AIG1: variants seen among roughly 807,000 people sequenced by gnomAD.
AIG1 encodes androgen induced 1, also known as androgen-induced gene 1 protein.
Under a neutral mutation model 31.4 loss-of-function variants are expected in AIG1, and 23 were observed. The observed-to-expected ratio is 0.73, with a 90% CI of 0.53 to 1.04. The LOEUF is 1.04. Among genes scored for constraint, AIG1 ranks in the 50% least tolerant of loss-of-function variants. The probability of loss-of-function intolerance (pLI) is 0.00; values close to 1 mark genes in which losing one functional copy is unlikely to be tolerated. For synonymous variants in AIG1, 100 were observed against 110.5 expected, an observed-to-expected ratio of 0.90 and a Z score of 0.60; for missense variants, 274 against 295.0, an observed-to-expected ratio of 0.93 and a Z score of 0.52.
At chr6:143,183,486 G>A (rs1423020163) in intron 3 of AIG1, among the ~76,000 whole-genome samples, 3 of 151,896 alleles carry the variant, frequency 2.0e-5, no homozygotes, top group South Asian at 2.1e-4. Flanking sequence ...GAGACACCAC[G>A]CCCGGTCAGA....
At chr6:143,167,060 T>G (rs960592815) in intron 3 of AIG1, among the ~76,000 whole-genome samples, 9 of 152,224 alleles carry the variant, frequency 5.9e-5, no homozygotes, top group Non-Finnish European at 2.9e-5. Flanking sequence ...TCAAACTGTT[T>G]AGCGTATTTC....
At chr6:143,233,239 G>C (rs1161873757) in intron 3 of AIG1, among the ~76,000 whole-genome samples, 2 of 152,032 alleles carry the variant, frequency 1.3e-5, no homozygotes, top group Non-Finnish European at 2.9e-5. Context: ...GCTCTGCCTC[G>C]CACTGCAGAC....
At position 143,284,816 on chromosome 6, in the gene AIG1, T is replaced by C. The variant is rs1797580951; in HGVS notation, c.515+591T>C. On this transcript the variant is annotated intron_variant, in intron 4 of 5. Coordinates refer to ENST00000357847, the MANE Select transcript of AIG1 (RefSeq NM_016108.4). The surrounding 1 kb of genome is among the most constrained non-coding windows in gnomAD (Gnocchi z 4.4). ...AGATCCAAGTGTGAGGTGCCAAATT[T>C]ATCTGATAAAAGAATTTTTGCCTGG... Among the ~76,000 whole-genome samples the C allele has an allele frequency of 3.3e-5, 5 of 152,228 alleles. No homozygotes were observed. The South Asian group carries it at 1.0e-3, about 32-fold the overall frequency.
At position 143,205,759 on chromosome 6, in the gene AIG1, C is replaced by G. The variant is rs182312450; in HGVS notation, c.399+40576C>G. Among the ~76,000 whole-genome samples, 48 of 152,292 alleles carry G rather than the reference C, an allele frequency of 3.2e-4. 1 individual carries two copies. The highest frequency in any genetic ancestry group is 1.0e-3 in the African/African-American group (42 of 41,562). On this transcript the variant is annotated intron_variant, in intron 3 of 5. Transcript: ENST00000357847. ...ATTAATGTAATATTGCATTAATGTG[C>G]TATTACAACACTCTAGGGCATTCAT... is the stretch of plus-strand genomic sequence containing the variant.
intron 3 of AIG1, among the ~76,000 whole-genome samples, chr6:143,262,352 T>A (rs1270352504): frequency 6.6e-6 from 1 of 152,170 alleles, no homozygotes; most frequent in Non-Finnish European, 1.5e-5. Flanking sequence ...AAGTAAGTAG[T>A]AGGAAGAATT....
Position 143,093,400 on chromosome 6 carries a change from A to G in AIG1, c.141+32334A>G, listed in dbSNP as rs779597240. Among the ~76,000 whole-genome samples the G allele has an allele frequency of 1.6e-4, 24 of 152,130 alleles. No individual in the cohort carries two copies. In the Middle Eastern group the frequency reaches 0.01, roughly 65 times the overall value. On this transcript the variant is annotated intron_variant, in intron 1 of 5. Coordinates refer to ENST00000357847, the MANE Select transcript of AIG1 (RefSeq NM_016108.4). ...TCTCAGCCCTCATAGAATTGAAGAG[A>G]GTTAGGACCTTGCTCTGGATTAGGT...
rs1777209502 is a variant in AIG1 at position 143,333,114 on chromosome 6, TA to T, written c.516-165del. On this transcript the variant is annotated intron_variant, in intron 4 of 5. Transcript: ENST00000357847. The surrounding 1 kb of genome is among the most constrained non-coding windows in gnomAD (Gnocchi z 4.6). ...TTTCAGAATAAAAAGTAAATGAAAA[TA>T]AACAGCAACCAAGTTTCCAGTAGCT... 6.6e-6 allele frequency among the ~76,000 whole-genome samples: 1 copy of T among 152,168 alleles called. No individual in the cohort carries two copies. The highest frequency in any genetic ancestry group is 1.5e-5 in the Non-Finnish European group (1 of 68,026).
intron 4 of AIG1, among the ~76,000 whole-genome samples, chr6:143,306,396 C>G (rs1275570196): frequency 6.6e-6 from 1 of 152,032 alleles, no homozygotes; most frequent in Non-Finnish European, 1.5e-5. Context: ...GTGCTTCCTT[C>G]AGGAGCTCTT....
chr6:143,291,795 G>A lies in AIG1; in HGVS notation c.515+7570G>A, dbSNP rs901475207. 1.3e-5 allele frequency among the ~76,000 whole-genome samples: 2 copies of A among 152,180 alleles called. No individual in the cohort carries two copies. The highest frequency in any genetic ancestry group is 4.1e-4 in the South Asian group (2 of 4,828). On this transcript the variant is annotated intron_variant, in intron 4 of 5. Coordinates refer to ENST00000357847, the MANE Select transcript of AIG1 (RefSeq NM_016108.4). The surrounding 1 kb of genome is among the most constrained non-coding windows in gnomAD (Gnocchi z 4.2). ...GTGTTGAAGCAGAGTGAGGGAGAGT[G>A]CACAGAGCTCCTAGGGTGAGGGAAG...
At chr6:143,130,956 A>C (rs759759085) in intron 1 of AIG1, among the ~76,000 whole-genome samples, 3 of 152,172 alleles carry the variant, frequency 2.0e-5, no homozygotes, top group Non-Finnish European at 4.4e-5. Context: ...TGTCTCAGTT[A>C]TAAGTGAGAA....
chr6:143,319,396 G>A (rs899931784), intron 4 of AIG1, among the ~76,000 whole-genome samples: 54 of 152,308 alleles, frequency 3.5e-4, no homozygotes, highest in Admixed American at 2.6e-3. Flanking sequence ...AACATCATAT[G>A]TTCTCACTGA....
In AIG1 at chr6:143,167,203, C is replaced by G. The variant is rs193269231; in HGVS notation, c.399+2020C>G. ...TAAATCATCACTTCAAACATTACAC[C>G]AAAAAACATTGTCATGTGCTCAATC... On this transcript the variant is annotated intron_variant, in intron 3 of 5. Transcript: ENST00000357847. 1.3e-3 allele frequency among the ~76,000 whole-genome samples: 205 copies of G among 152,172 alleles called. 2 individuals carry two copies. The highest frequency in any genetic ancestry group is 2.4e-3 in the Non-Finnish European group (162 of 67,996).
At chr6:143,236,053 A>G (rs1341018564) in intron 3 of AIG1, among the ~76,000 whole-genome samples, 1 of 152,202 alleles carries the variant, frequency 6.6e-6, no homozygotes, top group Non-Finnish European at 1.5e-5. Context: ...ATTTTCGGGT[A>G]TATATACTGA....
intron 1 of AIG1, among the ~76,000 whole-genome samples, chr6:143,089,336 G>A (rs1043043434): frequency 2.0e-5 from 3 of 152,042 alleles, no homozygotes; most frequent in African/African-American, 7.3e-5. Context: ...ATAATATAAG[G>A]GATAAGCACT....
rs370341211 is a variant in AIG1 at position 143,293,616 on chromosome 6, G to T, written c.515+9391G>T. Reference sequence around the variant, plus strand: ...CAGAAAAGGCTTGTGTATATAATCTGTCTCAATCCCCAGTATTTATTATTC... The same window carrying T: ...CAGAAAAGGCTTGTGTATATAATCTTTCTCAATCCCCAGTATTTATTATTC... On this transcript the variant is annotated intron_variant, in intron 4 of 5. Coordinates refer to ENST00000357847, the MANE Select transcript of AIG1 (RefSeq NM_016108.4). The surrounding 1 kb of genome is among the most constrained non-coding windows in gnomAD (Gnocchi z 4.8). Among the ~76,000 whole-genome samples, 1 of 152,144 alleles carries T rather than the reference G, an allele frequency of 6.6e-6. No homozygotes were observed.
chr6:143,162,304 G>T (rs779435809), intron 2 of AIG1, among the ~76,000 whole-genome samples: 14 of 152,186 alleles, frequency 9.2e-5, no homozygotes, highest in Non-Finnish European at 2.1e-4. Context: ...GATCTTCATG[G>T]ATTGGAAAAT....
chr6:143,340,588 C>T lies in AIG1; in HGVS notation c.*912C>T, dbSNP rs1466762544. Among the ~76,000 whole-genome samples the T allele has an allele frequency of 2.0e-5, 3 of 152,078 alleles. No homozygotes were observed. Among genetic ancestry groups the T allele is most frequent in the Non-Finnish European group, 4.4e-5 (3 of 68,012 alleles). The stretch of plus-strand genomic sequence containing the variant: ...CCATTCTCCTGCCTTCTCAGCCTCC[C>T]GAGTAGCTGGGACTACAGGCGCCTG... On this transcript the variant is annotated 3_prime_UTR_variant, in exon 6 of 6. Coordinates refer to ENST00000357847, the MANE Select transcript of AIG1 (RefSeq NM_016108.4).
intron 3 of AIG1, among the ~76,000 whole-genome samples, chr6:143,208,302 G>A (rs1411671961): frequency 2.6e-5 from 4 of 152,148 alleles, no homozygotes; most frequent in Non-Finnish European, 5.9e-5. Context: ...GCAACTTGTG[G>A]CCACAGAACT....
At chr6:143,099,316 A>G (rs557977687) in intron 1 of AIG1, among the ~76,000 whole-genome samples, 1 of 152,214 alleles carries the variant, frequency 6.6e-6, no homozygotes, top group African/African-American at 2.4e-5. Flanking sequence ...CAATGTAGAT[A>G]CTCTGTCTGC....
Sources: allele counts gnomAD v4.1 joint callset (sites outside exome capture counted in the v4.1 genomes callset), GRCh38; gene constraint gnomAD v4.1.1; non-coding constraint Gnocchi (gnomAD v3.1); transcripts MANE v1.5; gene names NCBI Gene and HGNC (gene_info 2026-07-23, HGNC 2026-07-21).